Variants in HMCN1 observed in about 807,000 individuals in gnomAD.
HMCN1 encodes hemicentin-1.
Under a neutral mutation model 625.9 loss-of-function variants are expected in HMCN1, and 321 were observed. The ratio of observed to expected loss-of-function variants is 0.51; its 90% confidence interval spans 0.47 to 0.56. The LOEUF (loss-of-function observed/expected upper bound fraction) is 0.56, where lower values mean the gene tolerates loss of function less well. Ranked by LOEUF, HMCN1 falls within the 20% of genes least tolerant of loss-of-function variation. The pLI is 0.00. For missense variants in HMCN1, 6,588 were observed against 6,887.3 expected (o/e 0.96, Z 1.54); for synonymous variants, 2,425 against 2,417.6 (o/e 1.00, Z -0.09).
At chr1:186,145,061 A>G (rs1208569367) in intron 91 of HMCN1, among the ~76,000 whole-genome samples, 2 of 152,226 alleles carry the variant, frequency 1.3e-5, no homozygotes, top group Non-Finnish European at 2.9e-5. Flanking sequence ...CAGCAACTTG[A>G]TATCTGGAAA....
chr1:185,967,493 T>A (rs1650493480), intron 14 of HMCN1, among the ~76,000 whole-genome samples: 1 of 152,172 alleles, frequency 6.6e-6, no homozygotes, highest in African/African-American at 2.4e-5. Context: ...GGGCATTTGA[T>A]ACATTGTAAG....
At chr1:185,898,466 C>A (rs188097538) in intron 4 of HMCN1, among the ~76,000 whole-genome samples, 1 of 149,572 alleles carries the variant, frequency 6.7e-6, no homozygotes. Context: ...AAACTGTAAG[C>A]AGACTTTTTT....
intron 4 of HMCN1, among the ~76,000 whole-genome samples, chr1:185,892,632 G>A (rs1048091175): frequency 2.0e-5 from 3 of 152,032 alleles, no homozygotes; most frequent in East Asian, 1.9e-4. Context: ...CGGGGGTCGG[G>A]GGTCAGGGAC....
chr1:185,896,800 A>C (rs989693538), intron 4 of HMCN1, among the ~76,000 whole-genome samples: 3 of 152,212 alleles, frequency 2.0e-5, no homozygotes, highest in Non-Finnish European at 2.9e-5. Context: ...AAAATGAACG[A>C]GTGTACCTGC....
Position 185,832,691 on chromosome 1 carries a change from T to C in HMCN1, c.269-13335T>C, listed in dbSNP as rs537518219. 3.3e-5 allele frequency among the ~76,000 whole-genome samples: 5 copies of C among 152,276 alleles called. No individual in the cohort carries two copies. In the South Asian group the frequency reaches 8.3e-4, roughly 25 times the overall value. On this transcript the variant is annotated intron_variant, in intron 1 of 106. Transcript: ENST00000271588. Reference sequence around the variant, plus strand: ...TTGAAGACATCATGAGAGAATTCTATACAACTTTAGAGGGAAGAAGGCTTT... The same window carrying C: ...TTGAAGACATCATGAGAGAATTCTACACAACTTTAGAGGGAAGAAGGCTTT...
At chr1:185,999,534 T>C (rs1199753995) in intron 25 of HMCN1, among the ~76,000 whole-genome samples, 2 of 152,130 alleles carry the variant, frequency 1.3e-5, no homozygotes, top group Admixed American at 6.6e-5. Context: ...AAAAGATGCA[T>C]GAACAGTAGA....
intron 42 of HMCN1, among the ~76,000 whole-genome samples, chr1:186,051,163 A>G (rs1277311054): frequency 6.6e-6 from 1 of 152,078 alleles, no homozygotes; most frequent in African/African-American, 2.4e-5. Flanking sequence ...TCTTAAATCA[A>G]TTTAAAAAGT....
chr1:185,999,905 G>T, intron 25 of HMCN1, 140 bp from the exon 26 acceptor site: 1 of 619,622 alleles, frequency 1.6e-6, no homozygotes, highest in Admixed American at 3.0e-5. Flanking sequence ...CATGCCAGGA[G>T]AAATATCTTG....
At chr1:186,103,705 G>A (rs1192054715) in intron 69 of HMCN1, 37 bp downstream of exon 69, 6 of 1,554,960 alleles carry the variant, frequency 3.9e-6, no homozygotes, top group Non-Finnish European at 3.5e-6. Context: ...TTTAGGTTAG[G>A]TCAAACTTCT....
chr1:186,116,230 T>C (rs1661127914), intron 75 of HMCN1, among the ~76,000 whole-genome samples: 1 of 152,118 alleles, frequency 6.6e-6, no homozygotes, highest in African/African-American at 2.4e-5. Context: ...TTAAAAGGTG[T>C]GTCAAATATG....
intron 80 of HMCN1, among the ~76,000 whole-genome samples, chr1:186,121,371 G>T (rs1257553741): frequency 6.6e-6 from 1 of 152,194 alleles, no homozygotes; most frequent in Non-Finnish European, 1.5e-5. Flanking sequence ...AAAAGGGCAG[G>T]ACTGGAGTTG....
chr1:185,927,335 A>G (rs1433084782), intron 9 of HMCN1, among the ~76,000 whole-genome samples: 1 of 152,184 alleles, frequency 6.6e-6, no homozygotes, highest in Non-Finnish European at 1.5e-5. Flanking sequence ...AGCTTACATG[A>G]TCAGTGTGGT....
chr1:185,962,736 C>G, intron 12 of HMCN1, 77 bp downstream of exon 12: 1 of 841,032 alleles, frequency 1.2e-6, no homozygotes, highest in South Asian at 1.3e-5. Context: ...ACTAATATGA[C>G]CAAATCCCTA....
At chr1:186,115,733 G>T (rs1302670575) in intron 75 of HMCN1, among the ~76,000 whole-genome samples, 1 of 151,682 alleles carries the variant, frequency 6.6e-6, no homozygotes, top group African/African-American at 2.4e-5. Context: ...TTATATAAAA[G>T]AAAAACTATT....
chr1:185,807,601 T>C (rs1445051096), intron 1 of HMCN1, among the ~76,000 whole-genome samples: 2 of 152,216 alleles, frequency 1.3e-5, no homozygotes, highest in African/African-American at 4.8e-5. Flanking sequence ...AAAAGGTTTC[T>C]TCTGTATTAC....
intron 33 of HMCN1, among the ~76,000 whole-genome samples, chr1:186,017,752 A>G (rs1317515889): frequency 7.2e-5 from 11 of 151,994 alleles, no homozygotes; most frequent in Non-Finnish European, 4.4e-5. Context: ...ATTTAGGAGC[A>G]CTTGTCTCTT....
At chr1:186,057,077 T>C (rs774596213) in intron 45 of HMCN1, among the ~76,000 whole-genome samples, 157 bp from the exon 46 acceptor site, 1 of 150,984 alleles carries the variant, frequency 6.6e-6, no homozygotes, top group Non-Finnish European at 1.5e-5. Flanking sequence ...AGCTGGTTGT[T>C]GTGATTGCTT....
intron 4 of HMCN1, among the ~76,000 whole-genome samples, chr1:185,897,195 A>T (rs1665538963): frequency 2.0e-5 from 3 of 152,032 alleles, no homozygotes; most frequent in African/African-American, 7.3e-5. Context: ...TTGTTTCTTT[A>T]CTACTTTTCT....
At chr1:186,071,933 A>G (rs1251232691) in intron 52 of HMCN1, among the ~76,000 whole-genome samples, 1 of 152,172 alleles carries the variant, frequency 6.6e-6, no homozygotes, top group Non-Finnish European at 1.5e-5. Context: ...TCACATGTAC[A>G]TGAACACATA....
Sources: allele counts gnomAD v4.1 joint callset (sites outside exome capture counted in the v4.1 genomes callset), GRCh38; gene constraint gnomAD v4.1.1; transcripts MANE v1.5; gene names NCBI Gene and HGNC (gene_info 2026-07-23, HGNC 2026-07-21).